CAMSAP2: variants seen among roughly 807,000 people sequenced by gnomAD.
The protein encoded by CAMSAP2 is calmodulin-regulated spectrin-associated protein 2.
A neutral mutation model predicts 146.1 loss-of-function variants in CAMSAP2; 26 were observed. The observed-to-expected ratio is 0.18, with a 90% CI of 0.13 to 0.25. The LOEUF is 0.25. Among genes scored for constraint, CAMSAP2 ranks in the 10% least tolerant of loss-of-function variants. CAMSAP2 has a pLI of 1.00. For missense variants in CAMSAP2, 1,381 were observed against 1,759.3 expected, an observed-to-expected ratio of 0.78 and a Z score of 3.85; for synonymous variants, 499 against 596.6, an observed-to-expected ratio of 0.84 and a Z score of 2.38.
chr1:200,786,027 A>G (rs1353017139), intron 2 of CAMSAP2, among the ~76,000 whole-genome samples: 1 of 152,154 alleles, frequency 6.6e-6, no homozygotes, highest in Non-Finnish European at 1.5e-5. Flanking sequence ...ACATTTGTCC[A>G]TTTCATCTAA....
intron 2 of CAMSAP2, among the ~76,000 whole-genome samples, chr1:200,768,232 G>C (rs768966733): frequency 9.2e-5 from 14 of 152,176 alleles, no homozygotes; most frequent in Non-Finnish European, 1.6e-4. Flanking sequence ...AGGATGCGGA[G>C]GAATTTACCA....
intron 11 of CAMSAP2, among the ~76,000 whole-genome samples, chr1:200,850,909 C>A (rs1344534567): frequency 6.6e-6 from 1 of 152,152 alleles, no homozygotes; most frequent in Non-Finnish European, 1.5e-5. Flanking sequence ...AAGTTCAAAC[C>A]CTTTAGCACA....
chr1:200,786,322 G>A (rs1665587769), intron 2 of CAMSAP2, among the ~76,000 whole-genome samples: 1 of 149,292 alleles, frequency 6.7e-6, no homozygotes, highest in Non-Finnish European at 1.5e-5. Flanking sequence ...GTACTCTTAG[G>A]TCATTAATTT....
At chr1:200,811,273 T>C (rs530383945) in intron 3 of CAMSAP2, among the ~76,000 whole-genome samples, 1 of 152,290 alleles carries the variant, frequency 6.6e-6, no homozygotes, top group African/African-American at 2.4e-5. Flanking sequence ...CAGTTTTTTC[T>C]CCCTGCACTT....
intron 2 of CAMSAP2, among the ~76,000 whole-genome samples, chr1:200,800,248 A>G (rs1233199460): frequency 1.3e-5 from 2 of 151,196 alleles, no homozygotes; most frequent in Non-Finnish European, 3.0e-5. Flanking sequence ...TCGTTGATCT[A>G]ATAGTGACAG....
chr1:200,740,355 T>C (rs1391556568), intron 1 of CAMSAP2, among the ~76,000 whole-genome samples: 1 of 152,196 alleles, frequency 6.6e-6, no homozygotes, highest in Non-Finnish European at 1.5e-5. Context: ...TTCTTTATTA[T>C]TGCAAGAAGG....
At chr1:200,844,503 G>A (rs181963959) in intron 7 of CAMSAP2, among the ~76,000 whole-genome samples, 17 of 152,028 alleles carry the variant, frequency 1.1e-4, no homozygotes, top group South Asian at 4.2e-4. Flanking sequence ...AGCTGAGATC[G>A]CGCCATTGCA....
chr1:200,769,831 A>C (rs1362289522), intron 2 of CAMSAP2, among the ~76,000 whole-genome samples: 1 of 152,080 alleles, frequency 6.6e-6, no homozygotes, highest in Non-Finnish European at 1.5e-5. Flanking sequence ...CCCTTTTCCC[A>C]GGGTATAGGG....
At chr1:200,805,278 A>G (rs1666142832) in intron 2 of CAMSAP2, among the ~76,000 whole-genome samples, 1 of 152,256 alleles carries the variant, frequency 6.6e-6, no homozygotes, top group Non-Finnish European at 1.5e-5. Flanking sequence ...CTAAACGATC[A>G]GAATTCACTT....
chr1:200,797,886 A>C lies in CAMSAP2; in HGVS notation c.400-9490A>C, dbSNP rs1191069022. 1.2e-3 allele frequency among the ~76,000 whole-genome samples: 186 copies of C among 149,984 alleles called. 1 individual carries two copies. Among genetic ancestry groups the C allele is most frequent in the Non-Finnish European group, 2.3e-3 (157 of 67,346 alleles). ...AAGGGATCCAGTTTCAGCTTTCTAC[A>C]TATGGCTAGCCAGTTTTCCCAGCAC... On this transcript the variant is annotated intron_variant, in intron 2 of 16. Transcript: ENST00000358823.
At chr1:200,776,208 G>A (rs1461660597) in intron 2 of CAMSAP2, among the ~76,000 whole-genome samples, 2 of 152,134 alleles carry the variant, frequency 1.3e-5, no homozygotes, top group Admixed American at 6.5e-5. Flanking sequence ...CATTTTAATT[G>A]TTCTTCCATC....
At chr1:200,839,982 T>C (rs768714810) in intron 6 of CAMSAP2, among the ~76,000 whole-genome samples, 1 of 152,236 alleles carries the variant, frequency 6.6e-6, no homozygotes, top group Non-Finnish European at 1.5e-5. Context: ...GCTGCTTCAA[T>C]TAGTATGTAT....
chr1:200,798,612 A>C (rs1328057023), intron 2 of CAMSAP2, among the ~76,000 whole-genome samples: 1 of 142,148 alleles, frequency 7.0e-6, no homozygotes, highest in Non-Finnish European at 1.5e-5. Flanking sequence ...GTCGTCTGCA[A>C]ACAGGGACAA....
chr1:200,821,551 GGGTTTCGCCATGTTGGCCAGGCT>G (rs2102192189), intron 4 of CAMSAP2, among the ~76,000 whole-genome samples: 1 of 152,170 alleles, frequency 6.6e-6, no homozygotes, highest in African/African-American at 2.4e-5. Context: ...AATAGGGATG[GGGTTTCGCCATGTTGGCCAGGCT>G]GGTCTCAAAC....
chr1:200,766,135 A>G (rs1193851512), intron 2 of CAMSAP2, among the ~76,000 whole-genome samples: 1 of 151,594 alleles, frequency 6.6e-6, no homozygotes, highest in Non-Finnish European at 1.5e-5. Context: ...GAGACTATCA[A>G]GTAGCTCTTT....
At position 200,848,117 on chromosome 1, in the gene CAMSAP2, C is replaced by T. The variant is rs776540841; in HGVS notation, c.1348C>T (p.Arg450Cys). 7.5e-6 allele frequency: 12 copies of T among 1,610,126 alleles called. No homozygotes were observed. Among genetic ancestry groups the T allele is most frequent in the East Asian group, 2.2e-5 (1 of 44,846 alleles). Residue 450 changes from arginine to cysteine, a missense_variant, in exon 11 of 17, where the codon CGT becomes TGT. By Grantham distance (180) the Arg-to-Cys change is radical. This residue lies in a region of CAMSAP2 where 447 missense variants were observed against 462.2 expected (regional missense o/e 0.97). Transcript: ENST00000358823. Reference sequence around the variant, plus strand: ...ATCCACTCCAAACCGAGGAATCACTCGTTCTATTAGTAATGAAGGACTTAC... The same window carrying T: ...ATCCACTCCAAACCGAGGAATCACTTGTTCTATTAGTAATGAAGGACTTAC... ...QRSTPNRGITRSISNEGLTLN... is the reference protein window; with the variant it reads ...QRSTPNRGITCSISNEGLTLN...
At chr1:200,778,652 T>C (rs1665348152) in intron 2 of CAMSAP2, among the ~76,000 whole-genome samples, 1 of 152,210 alleles carries the variant, frequency 6.6e-6, no homozygotes, top group Non-Finnish European at 1.5e-5. Flanking sequence ...ACCTGCATTT[T>C]TACCAGTTTT....
chr1:200,805,877 G>A (rs1458730088), intron 2 of CAMSAP2, among the ~76,000 whole-genome samples: 2 of 152,150 alleles, frequency 1.3e-5, no homozygotes, highest in African/African-American at 4.8e-5. Context: ...TTTAGACTTC[G>A]TTATGTAGAA....
chr1:200,771,479 CAT>C (rs1160529970), intron 2 of CAMSAP2, among the ~76,000 whole-genome samples: 2 of 152,012 alleles, frequency 1.3e-5, no homozygotes, highest in Admixed American at 1.3e-4. Context: ...TTACTGATAA[CAT>C]ATTTTATATT....
Sources: allele counts gnomAD v4.1 joint callset (sites outside exome capture counted in the v4.1 genomes callset), GRCh38; gene constraint gnomAD v4.1.1; regional missense constraint gnomAD v4.1.1; transcripts MANE v1.5; gene names NCBI Gene and HGNC (gene_info 2026-07-23, HGNC 2026-07-21).